PSMC1: variants seen among roughly 807,000 people sequenced by gnomAD.
PSMC1 encodes the protein proteasome 26S subunit, ATPase 1.
Under a neutral mutation model 49.8 loss-of-function variants are expected in PSMC1, and 5 were observed. The ratio of observed to expected loss-of-function variants is 0.10; its 90% confidence interval spans 0.05 to 0.21. The LOEUF (loss-of-function observed/expected upper bound fraction) is 0.21. PSMC1 is among the 10% of genes least tolerant of loss of function. The probability of loss-of-function intolerance (pLI) is 1.00; values close to 1 mark genes in which losing one functional copy is unlikely to be tolerated. For synonymous variants in PSMC1, 155 were observed against 192.1 expected (o/e 0.81, Z 1.60); for missense variants, 181 against 535.7 (o/e 0.34, Z 6.54).
rs201773398 is a variant in PSMC1 at position 90,269,392 on chromosome 14, C to T, written c.882-5C>T. The T allele has an allele frequency of 3.0e-3, 4,689 of 1,566,484 alleles. 10 individuals carry two copies. The highest frequency in any genetic ancestry group is 3.6e-3 in the Non-Finnish European group (4,210 of 1,161,762). On this transcript the variant is annotated splice_polypyrimidine_tract_variant and splice_region_variant and intron_variant, in intron 8 of 10. Transcript: ENST00000261303. ...TTCATTCCTTCCCTTTTTTTTTTTC[C>T]AAAGATATGACTCCAATTCTGGTGG...
chr14:90,265,026 CTAA>C lies in PSMC1; in HGVS notation c.595-39_595-37del, dbSNP rs1566673267. 5 of 1,392,178 alleles carry C rather than the reference CTAA, an allele frequency of 3.6e-6. No individual in the cohort carries two copies. The East Asian group carries it at 9.1e-5, about 25-fold the overall frequency. The allele number at this position is 1,392,178 out of a possible 1,614,324, so 86.2% of individuals were successfully genotyped here. ...GTCATGTTGCCAATTAGTAAATATG[CTAA>C]TAATTTCAGTAAAGCCTTTCATTCA... On this transcript the variant is annotated intron_variant, in intron 6 of 10. Coordinates refer to ENST00000261303, the MANE Select transcript of PSMC1 (RefSeq NM_002802.3).
intron 1 of PSMC1, among the ~76,000 whole-genome samples, chr14:90,257,405 C>T (rs1317138558): frequency 1.3e-5 from 2 of 152,024 alleles, no homozygotes; most frequent in Admixed American, 1.3e-4. Flanking sequence ...GGAGTGGCTG[C>T]TTTTTATAGA....
chr14:90,270,588 G>A, intron 10 of PSMC1: 4 of 432,610 alleles, frequency 9.2e-6, no homozygotes, highest in East Asian at 7.9e-5. Context: ...AGGCTGAGTC[G>A]CTGGTACTAA....
intron 3 of PSMC1, among the ~76,000 whole-genome samples, chr14:90,261,049 T>G (rs1404784863): frequency 6.6e-6 from 1 of 152,232 alleles, no homozygotes; most frequent in African/African-American, 2.4e-5. Flanking sequence ...AATGGCTTCC[T>G]GCCGAACATA....
intron 7 of PSMC1, 41 bp downstream of exon 7, chr14:90,265,207 C>G (rs1891480535): frequency 1.4e-6 from 2 of 1,388,926 alleles, no homozygotes; most frequent in Admixed American, 1.8e-5. Context: ...CCCAGCTGGT[C>G]TCTTGAGCAG....
intron 5 of PSMC1, 39 bp downstream of exon 5, chr14:90,263,886 C>A: frequency 6.2e-7 from 1 of 1,610,452 alleles, no homozygotes; most frequent in Non-Finnish European, 8.5e-7. Context: ...CACGGAAGTG[C>A]TTTCTCTTCT....
rs1268575440 is a variant in PSMC1, at chr14:90,270,250, G to A, written c.1086G>A (p.Lys362=). ...CCCTGCCTGATGAAAAGACGAAGAA[G>A]CGCATCTTTCAGATTCACACAAGCA... ...EFPLPDEKTK[K]RIFQIHTSRM... Residue 362 remains lysine, a synonymous_variant, in exon 10 of 11, where the codon AAG becomes AAA. Coordinates refer to ENST00000261303, the MANE Select transcript of PSMC1 (RefSeq NM_002802.3). 2 of 1,613,550 alleles carry A rather than the reference G, an allele frequency of 1.2e-6. No homozygotes were observed. The highest frequency in any genetic ancestry group is 1.3e-5 in the African/African-American group (1 of 74,832).
Position 90,264,318 on chromosome 14 carries a change from T to G in PSMC1, c.594+149T>G, listed in dbSNP as rs1464582154. 7.2e-6 allele frequency: 8 copies of G among 1,104,518 alleles called. No individual in the cohort carries two copies. The African/African-American group carries it at 8.0e-5, about 11-fold the overall frequency. The allele number at this position is 1,104,518 out of a possible 1,614,324, so 68.4% of individuals were successfully genotyped here. A position where few individuals can be genotyped will look rare whatever the true frequency, so the allele number is the denominator to read the frequency against. On this transcript the variant is annotated intron_variant, in intron 6 of 10. Coordinates refer to ENST00000261303, the MANE Select transcript of PSMC1 (RefSeq NM_002802.3). Reference sequence around the variant, plus strand: ...TTGCCAGTTGTGGTATTTTTGTATTTGTTAATACTGAGTTAGGTGATAGAA... The same window carrying G: ...TTGCCAGTTGTGGTATTTTTGTATTGGTTAATACTGAGTTAGGTGATAGAA...
chr14:90,257,781 G>A (rs555057516), intron 1 of PSMC1, among the ~76,000 whole-genome samples: 41 of 152,148 alleles, frequency 2.7e-4, no homozygotes, highest in African/African-American at 9.9e-4. Flanking sequence ...TTGTAGAGAC[G>A]GCGTTTCACT....
chr14:90,263,141 T>G (rs541678008), intron 3 of PSMC1, among the ~76,000 whole-genome samples, 177 bp from the exon 4 acceptor site: 1 of 152,306 alleles, frequency 6.6e-6, no homozygotes, highest in South Asian at 2.1e-4. Context: ...AAGGGCTTGA[T>G]TATATAACAG....
intron 1 of PSMC1, among the ~76,000 whole-genome samples, chr14:90,257,165 T>G (rs377398714): frequency 1.3e-5 from 2 of 152,048 alleles, no homozygotes; most frequent in Admixed American, 1.3e-4. Flanking sequence ...AGCTAGCATT[T>G]ATTCATCAAT....
chr14:90,259,974 AC>A, intron 2 of PSMC1, 140 bp from the exon 3 acceptor site: 1 of 519,998 alleles, frequency 1.9e-6, no homozygotes, highest in South Asian at 2.6e-5. Context: ...GGAATGTGAA[AC>A]AAGTCAGGTT....
intron 3 of PSMC1, among the ~76,000 whole-genome samples, chr14:90,262,194 T>C (rs11627922): frequency 0.53 from 71,024 of 134,800 alleles, 19,610 homozygotes; most frequent in Middle Eastern, 0.71. Flanking sequence ...ATATACCTAA[T>C]GTAAATGACG....
chr14:90,264,198 T>C (rs1284902430), intron 6 of PSMC1, 29 bp downstream of exon 6: 1 of 1,609,300 alleles, frequency 6.2e-7, no homozygotes, highest in Non-Finnish European at 8.5e-7. Context: ...CATCTCTGGG[T>C]TTCAGTTTTG....
chr14:90,260,029 AATAG>A, intron 2 of PSMC1, 82 bp from the exon 3 acceptor site: 1 of 799,754 alleles, frequency 1.3e-6, no homozygotes, highest in East Asian at 2.7e-5. Context: ...ACCACCTGAA[AATAG>A]ATGATGGTGG....
chr14:90,269,230 C>A, intron 8 of PSMC1, 167 bp from the exon 9 acceptor site: 1 of 614,974 alleles, frequency 1.6e-6, no homozygotes. Flanking sequence ...CAGACCATGG[C>A]AAGGGGTGCT....
chr14:90,265,658 C>T (rs533977410), intron 7 of PSMC1, among the ~76,000 whole-genome samples: 10 of 146,446 alleles, frequency 6.8e-5, no homozygotes, highest in South Asian at 2.1e-4. Context: ...CACTGCACTC[C>T]AGCCTGGGTG....
At chr14:90,259,081 C>T in intron 1 of PSMC1, 79 bp from the exon 2 acceptor site, 2 of 1,388,110 alleles carry the variant, frequency 1.4e-6, no homozygotes, top group Middle Eastern at 3.7e-4. Context: ...ATGTTATAGA[C>T]TCACAGGACA....
chr14:90,263,528 A>G, intron 4 of PSMC1, 86 bp downstream of exon 4: 1 of 1,470,732 alleles, frequency 6.8e-7, no homozygotes, highest in East Asian at 2.3e-5. Context: ...CAAGTAGCTG[A>G]ACCTGTCCAG....
Sources: allele counts gnomAD v4.1 joint callset (sites outside exome capture counted in the v4.1 genomes callset), GRCh38; gene constraint gnomAD v4.1.1; transcripts MANE v1.5; gene names NCBI Gene and HGNC (gene_info 2026-07-23, HGNC 2026-07-21).